The following KIAA1958 variants were observed in gnomAD, a reference collection of about 807,000 sequenced individuals.
KIAA1958 encodes the protein KIAA1958, also known as uncharacterized protein KIAA1958.
Under a neutral mutation model 47.2 loss-of-function variants are expected in KIAA1958, and 14 were observed. That is an observed-to-expected ratio of 0.30 (90% CI 0.20 to 0.46). The LOEUF (loss-of-function observed/expected upper bound fraction) is 0.46. Ranked by LOEUF, KIAA1958 falls within the 20% of genes least tolerant of loss-of-function variation. KIAA1958 has a pLI of 1.00. For synonymous variants in KIAA1958, 354 were observed against 353.3 expected (o/e 1.00, Z -0.02); for missense variants, 803 against 909.2 (o/e 0.88, Z 1.50).
At chr9:112,573,001 C>A (rs993865004) in intron 1 of KIAA1958, among the ~76,000 whole-genome samples, 2 of 152,032 alleles carry the variant, frequency 1.3e-5, no homozygotes, top group African/African-American at 2.4e-5. Context: ...TAGCCAGGGC[C>A]GACAAAATCA....
At chr9:112,501,894 A>G (rs1185917271) in intron 1 of KIAA1958, among the ~76,000 whole-genome samples, 1 of 152,250 alleles carries the variant, frequency 6.6e-6, no homozygotes, top group Non-Finnish European at 1.5e-5. Flanking sequence ...TCTTTGTGAC[A>G]TTGTATTGTT....
intron 2 of KIAA1958, among the ~76,000 whole-genome samples, chr9:112,599,373 G>A (rs1836089886): frequency 2.0e-5 from 1 of 49,078 alleles, no homozygotes; most frequent in African/African-American, 1.1e-4. Flanking sequence ...ATATACAGCA[G>A]ATTTAAGGGT....
intron 2 of KIAA1958, among the ~76,000 whole-genome samples, chr9:112,612,080 G>A (rs1407265454): frequency 6.6e-6 from 1 of 151,882 alleles, no homozygotes; most frequent in African/African-American, 2.4e-5. Context: ...TATGTAATAA[G>A]GCTAAATTAA....
chr9:112,649,293 G>A (rs1021157941), intron 3 of KIAA1958, among the ~76,000 whole-genome samples: 3 of 151,296 alleles, frequency 2.0e-5, no homozygotes, highest in African/African-American at 7.3e-5. Flanking sequence ...GAGTAGCTGG[G>A]ACCACAGGCA....
intron 1 of KIAA1958, among the ~76,000 whole-genome samples, chr9:112,566,671 T>C (rs528614941): frequency 1.1e-4 from 17 of 152,328 alleles, no homozygotes; most frequent in African/African-American, 3.6e-4. Flanking sequence ...TTTCAACTCC[T>C]TTTCTTTTCT....
In KIAA1958 at chr9:112,539,557, G is replaced by A. The variant is rs529936668; in HGVS notation, c.-24-34500G>A. On this transcript the variant is annotated intron_variant, in intron 1 of 3. Coordinates refer to ENST00000337530, the MANE Select transcript of KIAA1958 (RefSeq NM_133465.4). ...GGGGTAATTAGGTATAAATGCTAAT[G>A]GGCAGGAGGTTTCTTTTTAGGGTCA... 2.9e-3 allele frequency among the ~76,000 whole-genome samples: 434 copies of A among 152,182 alleles called. 5 individuals carry two copies. Among genetic ancestry groups the A allele is most frequent in the Middle Eastern group, 0.014 (4 of 294 alleles).
rs370522571 is a variant in KIAA1958 at position 112,573,994 on chromosome 9, G to A, written c.-24-63G>A. The A allele has an allele frequency of 2.9e-5, 24 of 840,302 alleles. No homozygotes were observed. In the East Asian group the frequency reaches 3.2e-4, roughly 11 times the overall value. The allele number at this position is 840,302 out of a possible 1,614,324, so 52.1% of individuals were successfully genotyped here. A position where few individuals can be genotyped will look rare whatever the true frequency, so the allele number is the denominator to read the frequency against. ...ATGATCATATTTGGAACAAACTGAAGTAATTGAGCTATAGGATTATCTTGG... is the reference window on the plus strand; with the variant it reads ...ATGATCATATTTGGAACAAACTGAAATAATTGAGCTATAGGATTATCTTGG... On this transcript the variant is annotated intron_variant, in intron 1 of 3. Transcript: ENST00000337530.
intron 1 of KIAA1958, among the ~76,000 whole-genome samples, chr9:112,559,423 G>A (rs1051971432): frequency 6.6e-6 from 1 of 152,206 alleles, no homozygotes; most frequent in Non-Finnish European, 1.5e-5. Flanking sequence ...GCTAAGGGAA[G>A]AGAGGGTTTC....
intron 2 of KIAA1958, among the ~76,000 whole-genome samples, chr9:112,621,052 T>C (rs786984): frequency 0.96 from 145,471 of 152,296 alleles, 69,549 homozygotes; most frequent in African/African-American, 0.99. Context: ...TGTCATTTCA[T>C]TCCAGAGTTT....
At chr9:112,639,041 C>G (rs1836854228) in intron 2 of KIAA1958, among the ~76,000 whole-genome samples, 1 of 152,154 alleles carries the variant, frequency 6.6e-6, no homozygotes, top group Non-Finnish European at 1.5e-5. Flanking sequence ...GTAGCATCAC[C>G]TGCAAGTGAT....
In KIAA1958 at chr9:112,534,324, A is replaced by G. The variant is rs76727183; in HGVS notation, c.-24-39733A>G. On this transcript the variant is annotated intron_variant, in intron 1 of 3. Coordinates refer to ENST00000337530, the MANE Select transcript of KIAA1958 (RefSeq NM_133465.4). ...CCAACAGTGGATGAGATGGCCTTCC[A>G]CTGCTCATTTTTGCCATCAGCACTG... Among the ~76,000 whole-genome samples the G allele has an allele frequency of 2.4e-3, 368 of 152,292 alleles. 2 individuals carry two copies. Among genetic ancestry groups the G allele is most frequent in the African/African-American group, 8.4e-3 (348 of 41,568 alleles).
At chr9:112,633,262 C>CT (rs1836742656) in intron 2 of KIAA1958, among the ~76,000 whole-genome samples, 1 of 146,086 alleles carries the variant, frequency 6.8e-6, no homozygotes, top group Admixed American at 6.8e-5. Context: ...CCTTCCTTTT[C>CT]TTACATGTTT....
At chr9:112,583,352 A>C (rs1835765729) in intron 2 of KIAA1958, among the ~76,000 whole-genome samples, 1 of 152,248 alleles carries the variant, frequency 6.6e-6, no homozygotes, top group Non-Finnish European at 1.5e-5. Context: ...GTGTTATTGA[A>C]GGTATGAGAA....
intron 2 of KIAA1958, among the ~76,000 whole-genome samples, chr9:112,604,915 TA>T (rs1228333064): frequency 6.8e-6 from 1 of 147,876 alleles, no homozygotes; most frequent in African/African-American, 2.4e-5. Flanking sequence ...TTTTATATAC[TA>T]TATAAATACA....
chr9:112,555,798 G>A (rs150314479), intron 1 of KIAA1958, among the ~76,000 whole-genome samples: 272 of 152,274 alleles, frequency 1.8e-3, no homozygotes, highest in Middle Eastern at 6.8e-3. Context: ...TTCTTGACCC[G>A]GTGCGGTGGC....
chr9:112,583,964 G>A (rs559623953), intron 2 of KIAA1958, among the ~76,000 whole-genome samples: 45 of 152,116 alleles, frequency 3.0e-4, no homozygotes, highest in Non-Finnish European at 5.6e-4. Context: ...ACTCTGGAAG[G>A]CTGAGGTGGG....
intron 3 of KIAA1958, among the ~76,000 whole-genome samples, chr9:112,654,041 A>T (rs4979140): frequency 6.6e-6 from 1 of 152,128 alleles, no homozygotes; most frequent in Non-Finnish European, 1.5e-5. Context: ...GGGAAAATGG[A>T]TTCTACTTGA....
At position 112,617,630 on chromosome 9, in the gene KIAA1958, G is replaced by A. The variant is rs570021998; in HGVS notation, c.1172-28020G>A. 1.4e-3 allele frequency among the ~76,000 whole-genome samples: 215 copies of A among 152,222 alleles called. 1 individual carries two copies. Among genetic ancestry groups the A allele is most frequent in the African/African-American group, 4.7e-3 (194 of 41,522 alleles). On this transcript the variant is annotated intron_variant, in intron 2 of 3. Coordinates refer to ENST00000337530, the MANE Select transcript of KIAA1958 (RefSeq NM_133465.4). ...CCTTCATGCACTAAACTATGTGCCC[G>A]TGACATAGGAAGCTCGTTTTGCTTG... is the stretch of plus-strand genomic sequence containing the variant.
intron 2 of KIAA1958, among the ~76,000 whole-genome samples, chr9:112,580,980 A>G (rs535085072): frequency 6.6e-6 from 1 of 152,266 alleles, no homozygotes; most frequent in Admixed American, 6.5e-5. Context: ...ACATCTGAAG[A>G]TTGATATGGC....
Sources: gnomAD v4.1 joint callset for allele counts (sites outside exome capture counted in the v4.1 genomes callset) on GRCh38, gnomAD v4.1.1 for gene constraint, MANE v1.5 for transcripts, NCBI Gene and HGNC (gene_info 2026-07-23, HGNC 2026-07-21) for gene names.